RBM47: variants seen among roughly 807,000 people sequenced by gnomAD.
The protein encoded by RBM47 is RNA binding motif protein 47.
In RBM47, 21 loss-of-function variants were observed where a neutral mutation model predicts 47.1. The ratio of observed to expected loss-of-function variants is 0.45; its 90% CI spans 0.32 to 0.64. The LOEUF (loss-of-function observed/expected upper bound fraction) is 0.64, where lower values mean the gene tolerates loss of function less well. Among genes scored for constraint, RBM47 ranks in the 30% least tolerant of loss-of-function variants. The pLI is 0.05. For synonymous variants in RBM47, 375 were observed against 361.7 expected (o/e 1.04, Z -0.42); for missense variants, 708 against 870.9 (o/e 0.81, Z 2.35).
At chr4:40,426,537 G>A (rs575279480) in intron 6 of RBM47, among the ~76,000 whole-genome samples, 3 of 152,154 alleles carry the variant, frequency 2.0e-5, no homozygotes, top group African/African-American at 7.2e-5. Flanking sequence ...CCTGTATACT[G>A]TAAAAAAATT....
At chr4:40,536,460 C>T (rs951590727) in intron 2 of RBM47, among the ~76,000 whole-genome samples, 1 of 152,208 alleles carries the variant, frequency 6.6e-6, no homozygotes, top group Non-Finnish European at 1.5e-5. Context: ...GGAGTATTCT[C>T]TTTGCTTTCT....
intron 3 of RBM47, among the ~76,000 whole-genome samples, chr4:40,458,266 C>G (rs1229261151): frequency 6.6e-6 from 1 of 152,296 alleles, no homozygotes; most frequent in East Asian, 1.9e-4. Flanking sequence ...CTGAAACAGA[C>G]TGACATAGTC....
chr4:40,565,452 G>A (rs559450350), intron 1 of RBM47, among the ~76,000 whole-genome samples: 7 of 152,240 alleles, frequency 4.6e-5, no homozygotes, highest in Admixed American at 6.5e-5. Context: ...AGGCCTGGCC[G>A]GTGGTGGTGG....
rs560837518 is a variant in RBM47, at chr4:40,470,605, GA to G, written c.-154-3907del. On this transcript the variant is annotated intron_variant, in intron 2 of 6. Coordinates refer to ENST00000295971, the MANE Select transcript of RBM47 (RefSeq NM_001098634.2). The stretch of plus-strand genomic sequence containing the variant: ...TTGAAATTAATACATTTATTTTTCG[GA>G]AAAAGATGCTCCAGTCTAATATCAA... 4.2e-3 allele frequency among the ~76,000 whole-genome samples: 633 copies of G among 152,156 alleles called. 2 individuals are homozygous for G. The highest frequency in any genetic ancestry group is 7.3e-3 in the Non-Finnish European group (499 of 68,000).
intron 2 of RBM47, among the ~76,000 whole-genome samples, chr4:40,513,810 C>A (rs901295275): frequency 2.6e-5 from 4 of 151,990 alleles, no homozygotes; most frequent in African/African-American, 9.7e-5. Context: ...CCTCTGCCTC[C>A]GGGGTTCAAG....
At chr4:40,590,403 AC>A (rs971304707) in intron 1 of RBM47, among the ~76,000 whole-genome samples, 15 of 152,096 alleles carry the variant, frequency 9.9e-5, no homozygotes, top group African/African-American at 3.6e-4. Context: ...TAAAAAAAAA[AC>A]AAAAAAACCC....
chr4:40,510,721 T>C (rs188140611), intron 2 of RBM47, among the ~76,000 whole-genome samples: 162 of 151,624 alleles, frequency 1.1e-3, no homozygotes, highest in African/African-American at 3.8e-3. Context: ...AAAGAAAGAG[T>C]CGTGATTTAT....
At chr4:40,595,762 AG>A (rs548559204) in intron 1 of RBM47, among the ~76,000 whole-genome samples, 37 of 151,760 alleles carry the variant, frequency 2.4e-4, no homozygotes, top group Non-Finnish European at 4.1e-4. Context: ...AAAATTAGCC[AG>A]GCATGGTGGC....
intron 1 of RBM47, among the ~76,000 whole-genome samples, chr4:40,576,256 T>TGGGG (rs72400279): frequency 1.3e-3 from 154 of 117,774 alleles, no homozygotes; most frequent in African/African-American, 4.7e-3. Context: ...TTTTTTTTTT[T>TGGGG]GGGGGGGGGC....
At chr4:40,443,165 G>T (rs1019909869) in intron 3 of RBM47, among the ~76,000 whole-genome samples, 1 of 152,130 alleles carries the variant, frequency 6.6e-6, no homozygotes, top group Non-Finnish European at 1.5e-5. Context: ...AGAAAGGGAG[G>T]AGTGGGGAAT....
At chr4:40,503,087 T>G (rs1460518127) in intron 2 of RBM47, among the ~76,000 whole-genome samples, 2 of 151,984 alleles carry the variant, frequency 1.3e-5, no homozygotes, top group East Asian at 1.9e-4. Context: ...AAACAGTGAC[T>G]AAAGTCTGAC....
chr4:40,570,275 C>T (rs1731583362), intron 1 of RBM47, among the ~76,000 whole-genome samples: 1 of 151,766 alleles, frequency 6.6e-6, no homozygotes, highest in South Asian at 2.1e-4. Flanking sequence ...AATAATTATA[C>T]AACTCACCAC....
chr4:40,478,032 T>TTTG (rs1719872119), intron 2 of RBM47, among the ~76,000 whole-genome samples: 3 of 148,488 alleles, frequency 2.0e-5, no homozygotes, highest in East Asian at 2.0e-4. Context: ...TTTTTTTTTT[T>TTTG]GAGACAGAGT....
intron 3 of RBM47, among the ~76,000 whole-genome samples, chr4:40,465,413 C>T (rs888651848): frequency 1.3e-5 from 2 of 152,128 alleles, no homozygotes; most frequent in Non-Finnish European, 2.9e-5. Context: ...GTAATCCTAG[C>T]ACATGGGAGG....
chr4:40,447,541 T>C (rs1364530744), intron 3 of RBM47, among the ~76,000 whole-genome samples: 2 of 152,182 alleles, frequency 1.3e-5, no homozygotes, highest in Non-Finnish European at 2.9e-5. Context: ...TACATACCAG[T>C]GTTTACCTAG....
At chr4:40,442,829 A>T (rs1713863368) in intron 3 of RBM47, among the ~76,000 whole-genome samples, 1 of 151,848 alleles carries the variant, frequency 6.6e-6, no homozygotes. Context: ...GCACACCACC[A>T]CGCCCAGCTA....
At position 40,423,660 on chromosome 4, in the gene RBM47, CTT is replaced by C. The variant is rs1203066663; in HGVS notation, c.*2242_*2243del. 1.6e-3 allele frequency: 41 copies of C among 25,022 alleles called. No homozygotes were observed. Among genetic ancestry groups the C allele is most frequent in the African/African-American group, 6.6e-3 (40 of 6,026 alleles). 1.5% of individuals were successfully genotyped at this position (25,022 alleles called of 1,614,324 possible). A position where few individuals can be genotyped will look rare whatever the true frequency, so the allele number is the denominator to read the frequency against. On this transcript the variant is annotated 3_prime_UTR_variant, in exon 7 of 7. Transcript: ENST00000295971. ...TTTTATTCTTTCTTTCTTTTTCTTT[CTT>C]TCTTTCTTTCTTTCTTTCTTTCTTT...
At position 40,518,180 on chromosome 4, in the gene RBM47, T is replaced by C. The variant is rs1725820607; in HGVS notation, c.-155+26242A>G. ...TTTCTTTTTTTTTTTTTTTTTTTTT[T>C]TTTTTTGAGATGAAGTCTCACTCTG... On this transcript the variant is annotated intron_variant, in intron 2 of 6. Coordinates refer to ENST00000295971, the MANE Select transcript of RBM47 (RefSeq NM_001098634.2). Among the ~76,000 whole-genome samples, 3 of 131,060 alleles carry C rather than the reference T, an allele frequency of 2.3e-5. No individual in the cohort carries two copies. In the Admixed American group the frequency reaches 2.3e-4, roughly 10 times the overall value. 86.0% of individuals were successfully genotyped at this position (131,060 alleles called of 152,430 possible).
chr4:40,603,023 T>C (rs1360362801), intron 1 of RBM47, among the ~76,000 whole-genome samples: 1 of 151,838 alleles, frequency 6.6e-6, no homozygotes. Context: ...ATCCCATCTT[T>C]AAAAAAAAAT....
Sources: allele counts gnomAD v4.1 joint callset (sites outside exome capture counted in the v4.1 genomes callset), GRCh38; gene constraint gnomAD v4.1.1; transcripts MANE v1.5; gene names NCBI Gene and HGNC (gene_info 2026-07-23, HGNC 2026-07-21).